The following ABTB3 variants were observed in gnomAD, a reference collection of about 807,000 sequenced individuals.
ABTB3 encodes ankyrin repeat and BTB domain containing 3.
chr12:107,592,931 A>C, the ABTB3 span, among the ~76,000 whole-genome samples: 2 of 152,208 alleles, frequency 1.3e-5, no homozygotes, highest in African/African-American at 4.8e-5. Flanking sequence ...TTAACAATAA[A>C]AGTTGTCTAC....
chr12:107,599,671 C>T, the ABTB3 span, among the ~76,000 whole-genome samples: 5 of 152,194 alleles, frequency 3.3e-5, no homozygotes, highest in East Asian at 1.9e-4. Flanking sequence ...TCCTTTTCCA[C>T]GACAGCCTTG....
the ABTB3 span, among the ~76,000 whole-genome samples, chr12:107,453,399 A>C: frequency 6.6e-6 from 1 of 152,000 alleles, no homozygotes; most frequent in Non-Finnish European, 1.5e-5. Flanking sequence ...GAGGGTGGAG[A>C]CCTCATAATT....
At chr12:107,394,180 G>A in the ABTB3 span, among the ~76,000 whole-genome samples, 2 of 152,132 alleles carry the variant, frequency 1.3e-5, no homozygotes, top group Middle Eastern at 3.2e-3. Flanking sequence ...CATCTTGCGT[G>A]ATTCTTCCAG....
the ABTB3 span, among the ~76,000 whole-genome samples, chr12:107,411,161 G>A: frequency 1.0e-3 from 154 of 152,258 alleles, 1 homozygote; most frequent in East Asian, 8.7e-3. Context: ...AAATCTGGGC[G>A]TGGTGGCATG....
chr12:107,352,800 G>T, the ABTB3 span, among the ~76,000 whole-genome samples: 10 of 152,108 alleles, frequency 6.6e-5, no homozygotes, highest in Admixed American at 5.9e-4. Flanking sequence ...GAGATGGGGG[G>T]TACCTGGGGA....
chr12:107,573,464 C>CGGATG, the ABTB3 span, among the ~76,000 whole-genome samples: 1 of 139,496 alleles, frequency 7.2e-6, no homozygotes, highest in Admixed American at 7.1e-5. Flanking sequence ...GTGGATGAAT[C>CGGATG]GATGGATGGA....
chr12:107,491,226 C>T, the ABTB3 span, among the ~76,000 whole-genome samples: 1 of 152,180 alleles, frequency 6.6e-6, no homozygotes, highest in Non-Finnish European at 1.5e-5. Flanking sequence ...AGCCTTGGCA[C>T]CTCAGTTGTC....
the ABTB3 span, among the ~76,000 whole-genome samples, chr12:107,502,342 T>C: frequency 1.3e-5 from 2 of 151,992 alleles, no homozygotes; most frequent in African/African-American, 4.8e-5. Context: ...CATGCTAAGA[T>C]TAAAGGTGTG....
At chr12:107,519,515 G>A in the ABTB3 span, among the ~76,000 whole-genome samples, 57,342 of 151,562 alleles carry the variant, frequency 0.38, 11,313 homozygotes, top group African/African-American at 0.46. Context: ...ACGGTGTTTC[G>A]CCATGTTGGC....
chr12:107,361,525 A>G, the ABTB3 span, among the ~76,000 whole-genome samples: 4 of 152,196 alleles, frequency 2.6e-5, no homozygotes, highest in Non-Finnish European at 5.9e-5. Flanking sequence ...TATATGATTG[A>G]TTATATCCCG....
chr12:107,355,605 A>T, the ABTB3 span, among the ~76,000 whole-genome samples: 1 of 152,222 alleles, frequency 6.6e-6, no homozygotes, highest in Non-Finnish European at 1.5e-5. Context: ...TTACAGGCTC[A>T]GGGAGAATAT....
chr12:107,338,569 G>T, the ABTB3 span, among the ~76,000 whole-genome samples: 28 of 152,194 alleles, frequency 1.8e-4, no homozygotes, highest in African/African-American at 6.8e-4. Flanking sequence ...GGGTTGGGAA[G>T]TCTCATCTGA....
the ABTB3 span, among the ~76,000 whole-genome samples, chr12:107,448,661 G>T: frequency 6.7e-6 from 1 of 149,144 alleles, no homozygotes; most frequent in Non-Finnish European, 1.5e-5. Flanking sequence ...TTTTTTTGAG[G>T]TGCAGTCTCA....
At chr12:107,589,078 GAGGACAATAATT>G in the ABTB3 span, among the ~76,000 whole-genome samples, 1 of 152,180 alleles carries the variant, frequency 6.6e-6, no homozygotes, top group Non-Finnish European at 1.5e-5. Context: ...TCTGTAAAAT[GAGGACAATAATT>G]ATACCCACCT....
At chr12:107,640,178 G>A in the ABTB3 span, 2,285 of 560,670 alleles carry the variant, frequency 4.1e-3, 8 homozygotes, top group Non-Finnish European at 5.2e-3. Context: ...CTGCTGTTTG[G>A]TTGCTGTCTT....
chr12:107,434,150 A>G, the ABTB3 span, among the ~76,000 whole-genome samples: 1 of 152,204 alleles, frequency 6.6e-6, no homozygotes, highest in African/African-American at 2.4e-5. Context: ...GCTTATTCTC[A>G]CGAGGGAAAC....
chr12:107,527,582 G>GT, the ABTB3 span, among the ~76,000 whole-genome samples: 16,247 of 145,958 alleles, frequency 0.11, 910 homozygotes, highest in African/African-American at 0.14. Context: ...AAGAGTTTTT[G>GT]TTTTTTTTTT....
the ABTB3 span, among the ~76,000 whole-genome samples, chr12:107,534,912 A>G: frequency 2.0e-5 from 3 of 152,216 alleles, no homozygotes; most frequent in Non-Finnish European, 4.4e-5. Context: ...AAAAAACTTG[A>G]AGAGAAGGGA....
chr12:107,500,357 T>A, the ABTB3 span, among the ~76,000 whole-genome samples: 1 of 152,042 alleles, frequency 6.6e-6, no homozygotes, highest in Non-Finnish European at 1.5e-5. Context: ...CACCCCCAGG[T>A]TGCCCTCATC....
Sources: gnomAD v4.1 joint callset for allele counts (sites outside exome capture counted in the v4.1 genomes callset) on GRCh38, gnomAD v4.1.1 for gene constraint, MANE v1.5 for transcripts, NCBI Gene and HGNC (gene_info 2026-07-23, HGNC 2026-07-21) for gene names.